PITPNM3: variants seen among roughly 807,000 people sequenced by gnomAD.
PITPNM3 encodes the protein membrane-associated phosphatidylinositol transfer protein 3.
Under a neutral mutation model 102.0 loss-of-function variants are expected in PITPNM3, and 26 were observed. The observed-to-expected ratio is 0.25, with a 90% CI of 0.19 to 0.35. The LOEUF (loss-of-function observed/expected upper bound fraction) is 0.35, where lower values mean the gene tolerates loss of function less well. Ranked by LOEUF, PITPNM3 falls within the 10% of genes least tolerant of loss-of-function variation. PITPNM3 has a pLI of 1.00. For missense variants in PITPNM3, 1,083 were observed against 1,346.1 expected, an observed-to-expected ratio of 0.80 and a Z score of 3.06; for synonymous variants, 578 against 558.6, an observed-to-expected ratio of 1.03 and a Z score of -0.49.
intron 1 of PITPNM3, among the ~76,000 whole-genome samples, chr17:6,542,493 G>GA (rs1189572931): frequency 6.6e-6 from 1 of 152,200 alleles, no homozygotes; most frequent in Non-Finnish European, 1.5e-5. Flanking sequence ...AGCCATGGGT[G>GA]AAAATTTAGC....
At chr17:6,510,252 A>G (rs931544337) in intron 3 of PITPNM3, among the ~76,000 whole-genome samples, 1 of 152,096 alleles carries the variant, frequency 6.6e-6, no homozygotes, top group Non-Finnish European at 1.5e-5. Context: ...TATACTAACA[A>G]TCTATGAGCT....
chr17:6,476,931 T>A (rs543102672), intron 9 of PITPNM3, 98 bp downstream of exon 9: 1 of 1,426,316 alleles, frequency 7.0e-7, no homozygotes, highest in African/African-American at 1.4e-5. Context: ...TGCTTATCTA[T>A]GGGCCCCCAT....
Position 6,484,259 on chromosome 17 carries a change from C to A in PITPNM3, c.308G>T (p.Arg103Met). The change falls in exon 5 of 20, where the codon AGG becomes ATG. Residue 103 changes from arginine to methionine, a missense_variant. By Grantham distance (91) the Arg-to-Met change is moderately conservative. This residue lies in a region of PITPNM3 where 290 missense variants were observed against 337.8 expected (regional missense o/e 0.86). Transcript: ENST00000262483. The stretch of plus-strand genomic sequence containing the variant: ...CTCGATGCTTCCCTGGGCTGGGAAC[C>A]TCTGTCTTCTCAAGGAAACCCGGTA... ...ELYRVSLRRQ[R>M]FPAQGSIEIH... The A allele has an allele frequency of 6.2e-7, 1 of 1,612,232 alleles. No homozygotes were observed. The highest frequency in any genetic ancestry group is 8.5e-7 in the Non-Finnish European group (1 of 1,178,286).
rs565391716 is a variant in PITPNM3, at chr17:6,520,395, A to C, written c.226+4961T>G. The stretch of plus-strand genomic sequence containing the variant: ...AATGTCTATCACTGCAGAATGGTTA[A>C]ATAAATTATGGTACAACTATAGTAG... On this transcript the variant is annotated intron_variant, in intron 3 of 19. Coordinates refer to ENST00000262483, the MANE Select transcript of PITPNM3 (RefSeq NM_031220.4). Among the ~76,000 whole-genome samples the C allele has an allele frequency of 3.9e-5, 6 of 152,378 alleles. No individual in the cohort carries two copies. In the South Asian group the frequency reaches 1.2e-3, roughly 32 times the overall value.
intron 4 of PITPNM3, among the ~76,000 whole-genome samples, chr17:6,498,092 A>G (rs1316512530): frequency 1.3e-5 from 2 of 152,098 alleles, no homozygotes; most frequent in African/African-American, 4.8e-5. Context: ...TGCCTCTTCT[A>G]TGGTGGTGGC....
chr17:6,470,618 G>A lies in PITPNM3; in HGVS notation c.1625-210C>T, dbSNP rs533984049. Among the ~76,000 whole-genome samples, 8 of 152,256 alleles carry A rather than the reference G, an allele frequency of 5.3e-5. No individual in the cohort carries two copies. In the East Asian group the frequency reaches 1.2e-3, roughly 22 times the overall value. ...CCACCAGCCCTCCCCTAAGATGTGC[G>A]TGCCAAGCCCATGCCCAGGAAGGAG... On this transcript the variant is annotated intron_variant, in intron 12 of 19. Transcript: ENST00000262483. The surrounding 1 kb of genome is among the most constrained non-coding windows in gnomAD (Gnocchi z 4.8).
rs1353442215 is a variant in PITPNM3 at position 6,511,677 on chromosome 17, G to C, written c.227-8103C>G. 3.3e-5 allele frequency among the ~76,000 whole-genome samples: 5 copies of C among 152,290 alleles called. No individual in the cohort carries two copies. In the East Asian group the frequency reaches 9.6e-4, roughly 29 times the overall value. On this transcript the variant is annotated intron_variant, in intron 3 of 19. Coordinates refer to ENST00000262483, the MANE Select transcript of PITPNM3 (RefSeq NM_031220.4). Reference sequence around the variant, plus strand: ...AGGAGAAAGAAAACCATAACCTCAAGCCTGCAAAGAAAGGTCTGTGGCTTG... The same window carrying C: ...AGGAGAAAGAAAACCATAACCTCAACCCTGCAAAGAAAGGTCTGTGGCTTG...
intron 15 of PITPNM3, 65 bp from the exon 16 acceptor site, chr17:6,464,383 C>T (rs1904655336): frequency 1.9e-6 from 3 of 1,559,866 alleles, no homozygotes; most frequent in Non-Finnish European, 2.6e-6. Context: ...GGCAGAGGGG[C>T]TGGGCGGGGG....
At chr17:6,483,057 G>C (rs1905838430) in intron 6 of PITPNM3, among the ~76,000 whole-genome samples, 1 of 151,474 alleles carries the variant, frequency 6.6e-6, no homozygotes, top group African/African-American at 2.4e-5. Context: ...CCATTCTCCT[G>C]CCTCAGCCTC....
Position 6,468,337 on chromosome 17 carries a change from A to C in PITPNM3, c.1778T>G (p.Met593Arg). ...DVVAFILRQVMRYESVNIKES... is the reference protein window; with the variant it reads ...DVVAFILRQVRRYESVNIKES... ...CTTGATGTTCACGCTCTCATAGCGC[A>C]TTACCTAGCCAAGAGCCGAGCAGGG... The change falls in exon 14 of 20, where the codon ATG becomes AGG. Residue 593 changes from methionine (M) to arginine (R), a missense_variant. Transcript: ENST00000262483. The surrounding 1 kb of genome is among the most constrained non-coding windows in gnomAD (Gnocchi z 5.2). 6.2e-7 allele frequency: 1 copy of C among 1,614,086 alleles called. No homozygotes were observed. Among genetic ancestry groups the C allele is most frequent in the Non-Finnish European group, 8.5e-7 (1 of 1,179,998 alleles).
chr17:6,474,658 C>A (rs1905221939), intron 9 of PITPNM3, 54 bp from the exon 10 acceptor site: 2 of 1,522,010 alleles, frequency 1.3e-6, no homozygotes, highest in Admixed American at 2.0e-5. Context: ...ACCGAGAATG[C>A]GGGAGTGTTC....
At chr17:6,477,451 G>A (rs73352216) in intron 8 of PITPNM3, among the ~76,000 whole-genome samples, 31,260 of 152,100 alleles carry the variant, frequency 0.21, 4,687 homozygotes, top group African/African-American at 0.41. Flanking sequence ...CTGTCGAAGG[G>A]GCCAAATCCA....
At chr17:6,514,332 AC>A (rs1908032672) in intron 3 of PITPNM3, among the ~76,000 whole-genome samples, 1 of 152,160 alleles carries the variant, frequency 6.6e-6, no homozygotes. Context: ...TATAAAGACA[AC>A]CCACAAAATG....
At position 6,470,562 on chromosome 17, in the gene PITPNM3, C is replaced by G. The variant is rs1039344264; in HGVS notation, c.1625-154G>C. On this transcript the variant is annotated intron_variant, in intron 12 of 19. Transcript: ENST00000262483. The surrounding 1 kb of genome is among the most constrained non-coding windows in gnomAD (Gnocchi z 4.8). ...CCTGGCCTGGAGGAGGCCTGGGGAACGCGCTGCTCTTCCTCCTTCCTTCTC... is the reference window on the plus strand; with the variant it reads ...CCTGGCCTGGAGGAGGCCTGGGGAAGGCGCTGCTCTTCCTCCTTCCTTCTC... 1.3e-5 allele frequency among the ~76,000 whole-genome samples: 2 copies of G among 152,110 alleles called. No individual in the cohort carries two copies. The highest frequency in any genetic ancestry group is 4.8e-5 in the African/African-American group (2 of 41,434).
Position 6,474,620 on chromosome 17 carries a change from G to A in PITPNM3, c.1086-16C>T, listed in dbSNP as rs1905218405. On this transcript the variant is annotated splice_polypyrimidine_tract_variant and intron_variant, in intron 9 of 19. Transcript: ENST00000262483. ...GGAGTGGATGCTGCGGAGGGAGGAG[G>A]ACGCAGGGCAGGGCAGGTCAGGGAA... 1.3e-6 allele frequency: 2 copies of A among 1,553,092 alleles called. No individual in the cohort carries two copies. Among genetic ancestry groups the A allele is most frequent in the African/African-American group, 2.7e-5 (2 of 73,230 alleles).
Position 6,556,299 on chromosome 17 carries a change from G to T in PITPNM3, c.22+86C>A. 8.3e-7 allele frequency: 1 copy of T among 1,203,838 alleles called. No homozygotes were observed. The highest frequency in any genetic ancestry group is 1.1e-6 in the Non-Finnish European group (1 of 906,326). 74.6% of individuals were successfully genotyped at this position (1,203,838 alleles called of 1,614,324 possible). A position where few individuals can be genotyped will look rare whatever the true frequency, so the allele number is the denominator to read the frequency against. ...GGGACCTCCGCCCACCTGCGCGAGG[G>T]GTTCACCTGGGCCGGCGGCCCCTCC... On this transcript the variant is annotated intron_variant, in intron 1 of 19. Transcript: ENST00000262483. This position sits in a 1 kb window ranked among gnomAD's most constrained non-coding sequence, Gnocchi z 5.2.
At chr17:6,515,137 T>C (rs925615377) in intron 3 of PITPNM3, among the ~76,000 whole-genome samples, 1 of 152,170 alleles carries the variant, frequency 6.6e-6, no homozygotes. Flanking sequence ...GGCTCATGCC[T>C]GTAATCCCAG....
At chr17:6,505,193 A>ATATATATATATATATATATATATAT (rs1198801942) in intron 3 of PITPNM3, among the ~76,000 whole-genome samples, 10 of 72,270 alleles carry the variant, frequency 1.4e-4, no homozygotes, top group African/African-American at 4.5e-4. Flanking sequence ...GAAGACAAAT[A>ATATATATATATATATATATATATAT]AAATATATAT....
At chr17:6,463,409 C>T (rs994829424) in intron 17 of PITPNM3, among the ~76,000 whole-genome samples, 3 of 48,144 alleles carry the variant, frequency 6.2e-5, no homozygotes, top group Admixed American at 1.9e-4. Flanking sequence ...GATGCGTGCA[C>T]GAGTGCAGGG....
Sources: gnomAD v4.1 joint callset for allele counts (sites outside exome capture counted in the v4.1 genomes callset) on GRCh38, gnomAD v4.1.1 for gene constraint, gnomAD v4.1.1 regional missense constraint, Gnocchi (gnomAD v3.1) non-coding constraint, MANE v1.5 for transcripts, NCBI Gene and HGNC (gene_info 2026-07-23, HGNC 2026-07-21) for gene names.